The following COX19 variants were observed in gnomAD, a reference collection of about 807,000 sequenced individuals.
COX19 encodes the protein cytochrome c oxidase assembly protein COX19.
Under a neutral mutation model 6.8 loss-of-function variants are expected in COX19, and 8 were observed. The ratio of observed to expected loss-of-function variants is 1.18; its 90% CI spans 0.69 to 2.12. The LOEUF (loss-of-function observed/expected upper bound fraction) is 2.12. COX19 is among the 30% of genes most tolerant of loss of function. The pLI, the probability that COX19 is intolerant of heterozygous loss-of-function variation, is 0.00. For synonymous variants in COX19, 51 were observed against 38.0 expected (o/e 1.34, Z -1.26); for missense variants, 131 against 104.6 (o/e 1.25, Z -1.10).
At chr7:973,110 G>A (rs946443172) in intron 2 of COX19, 71 bp downstream of exon 2, 2 of 993,618 alleles carry the variant, frequency 2.0e-6, no homozygotes, top group African/African-American at 1.7e-5. Flanking sequence ...CACTGTAATG[G>A]CCTTTCAGGA....
intron 2 of COX19, among the ~76,000 whole-genome samples, chr7:971,542 G>T (rs555217346): frequency 1.3e-4 from 20 of 151,518 alleles, no homozygotes; most frequent in African/African-American, 4.6e-4. Flanking sequence ...AGAAAGAGCA[G>T]AATTTTTAAA....
At position 969,307 on chromosome 7, in the gene COX19, C is replaced by T. The variant is rs1257866884; in HGVS notation, c.*71G>A. On this transcript the variant is annotated 3_prime_UTR_variant, in exon 3 of 3. Coordinates refer to ENST00000344111, the MANE Select transcript of COX19 (RefSeq NM_001031617.3). Reference sequence around the variant, plus strand: ...ACACCACACGCAGGCCTCAGCCAACCTAAGAGGCAGGATGATGCCCTCCGT... The same window carrying T: ...ACACCACACGCAGGCCTCAGCCAACTTAAGAGGCAGGATGATGCCCTCCGT... 4 of 990,052 alleles carry T rather than the reference C, an allele frequency of 4.0e-6. No homozygotes were observed. Among genetic ancestry groups the T allele is most frequent in the African/African-American group, 3.2e-5 (2 of 62,194 alleles). The allele number at this position is 990,052 out of a possible 1,614,324, so 61.3% of individuals were successfully genotyped here. A position where few individuals can be genotyped will look rare whatever the true frequency, so the allele number is the denominator to read the frequency against.
intron 1 of COX19, chr7:975,212 G>A: frequency 2.3e-6 from 1 of 433,178 alleles, no homozygotes; most frequent in Admixed American, 4.4e-5. Context: ...CGGTGTCGCT[G>A]CCCTCGTCAC....
Position 966,078 on chromosome 7 carries a change from T to C in COX19, c.*3300A>G, listed in dbSNP as rs1024093364. Reference sequence around the variant, plus strand: ...ACTGACATGTTTACGCAATTACTTATGTTGTATAGACTACTGGATATCAAT... The same window carrying C: ...ACTGACATGTTTACGCAATTACTTACGTTGTATAGACTACTGGATATCAAT... On this transcript the variant is annotated 3_prime_UTR_variant, in exon 3 of 3. Transcript: ENST00000344111. 3.9e-5 allele frequency: 6 copies of C among 152,340 alleles called. No homozygotes were observed. Among genetic ancestry groups the C allele is most frequent in the Admixed American group, 3.9e-4 (6 of 15,308 alleles). 9.4% of individuals were successfully genotyped at this position (152,340 alleles called of 1,614,324 possible). A position where few individuals can be genotyped will look rare whatever the true frequency, so the allele number is the denominator to read the frequency against.
intron 2 of COX19, 80 bp from the exon 3 acceptor site, chr7:969,536 C>A: frequency 2.2e-6 from 2 of 907,260 alleles, no homozygotes; most frequent in South Asian, 2.7e-5. Context: ...GGCTTCCCAG[C>A]GCACACCGGG....
At position 970,812 on chromosome 7, in the gene COX19, A is replaced by C. The variant is rs1847624273; in HGVS notation, c.195-1356T>G. ...AGGCTGGTCTTGAACTCCTGAGCTC[A>C]AGTGATTCTCCTGCTTGGCCTCCCA... On this transcript the variant is annotated intron_variant, in intron 2 of 2. Coordinates refer to ENST00000344111, the MANE Select transcript of COX19 (RefSeq NM_001031617.3). Among the ~76,000 whole-genome samples, 5 of 152,262 alleles carry C rather than the reference A, an allele frequency of 3.3e-5. No individual in the cohort carries two copies. The South Asian group carries it at 1.0e-3, about 32-fold the overall frequency.
chr7:975,320 T>A (rs1001610164), intron 1 of COX19, 108 bp downstream of exon 1: 6 of 859,168 alleles, frequency 7.0e-6, no homozygotes, highest in Non-Finnish European at 1.0e-5. Flanking sequence ...GTGCCTCAGT[T>A]TCCCCGCCTG....
rs1459244776 is a variant in COX19 at position 967,514 on chromosome 7, G to A, written c.*1864C>T. 2 of 152,252 alleles carry A rather than the reference G, an allele frequency of 1.3e-5. No individual in the cohort carries two copies. 9.4% of individuals were successfully genotyped at this position (152,252 alleles called of 1,614,324 possible). On this transcript the variant is annotated 3_prime_UTR_variant, in exon 3 of 3. Coordinates refer to ENST00000344111, the MANE Select transcript of COX19 (RefSeq NM_001031617.3). The stretch of plus-strand genomic sequence containing the variant: ...GACGGTCTTCCCCACACTCCTGATG[G>A]GTCAGAGTGCGGTGCGAGCGGAGAG...
In COX19 at chr7:969,449, T is replaced by A; in HGVS notation, c.202A>T (p.Met68Leu). The A allele has an allele frequency of 6.2e-7, 1 of 1,604,566 alleles. No homozygotes were observed. The highest frequency in any genetic ancestry group is 8.5e-7 in the Non-Finnish European group (1 of 1,171,596). Reference protein sequence around the residue: ...YLECRMERKLMLQEPLEKLGF... With the variant: ...YLECRMERKLLLQEPLEKLGF... ...AGTTTCTCCAATGGTTCTTGTAGCATCAATTTTCTAAAAGAAAAAGAGAAA... is the reference window on the plus strand; with the variant it reads ...AGTTTCTCCAATGGTTCTTGTAGCAACAATTTTCTAAAAGAAAAAGAGAAA... Residue 68 changes from methionine (M) to leucine (L), a missense_variant, in exon 3 of 3, where the codon ATG (methionine) becomes TTG (leucine). Met to Leu is a conservative substitution (Grantham distance 15). Transcript: ENST00000344111.
rs369446565 is a variant in COX19, at chr7:967,567, C to G, written c.*1811G>C. 2 of 152,364 alleles carry G rather than the reference C, an allele frequency of 1.3e-5. No homozygotes were observed. Among genetic ancestry groups the G allele is most frequent in the East Asian group, 3.9e-4 (2 of 5,180 alleles). 9.4% of individuals were successfully genotyped at this position (152,364 alleles called of 1,614,324 possible). Reference sequence around the variant, plus strand: ...AGGCCCGACCCGGGCCTGGGCACTCCCGACGGCGGGTCAGAGTGCGATGGG... The same window carrying G: ...AGGCCCGACCCGGGCCTGGGCACTCGCGACGGCGGGTCAGAGTGCGATGGG... On this transcript the variant is annotated 3_prime_UTR_variant, in exon 3 of 3. Transcript: ENST00000344111.
At chr7:973,422 C>A in intron 1 of COX19, 130 bp from the exon 2 acceptor site, 2 of 1,215,840 alleles carry the variant, frequency 1.6e-6, no homozygotes, top group Non-Finnish European at 2.1e-6. Context: ...TGGTTCACAC[C>A]TGTAATCCCA....
intron 2 of COX19, among the ~76,000 whole-genome samples, chr7:971,329 C>G (rs1178180900): frequency 6.6e-6 from 1 of 152,164 alleles, no homozygotes; most frequent in African/African-American, 2.4e-5. Context: ...CATTGTGGTC[C>G]ATTTTCTAAA....
rs1262712487 is a variant in COX19, at chr7:967,539, G to T, written c.*1839C>A. ...GGTCAGAGTGCGGTGCGAGCGGAGA[G>T]GCAGGCCCGACCCGGGCCTGGGCAC... On this transcript the variant is annotated 3_prime_UTR_variant, in exon 3 of 3. Coordinates refer to ENST00000344111, the MANE Select transcript of COX19 (RefSeq NM_001031617.3). 1 of 152,240 alleles carries T rather than the reference G, an allele frequency of 6.6e-6. No individual in the cohort carries two copies. The highest frequency in any genetic ancestry group is 3.2e-3 in the Middle Eastern group (1 of 316). 9.4% of individuals were successfully genotyped at this position (152,240 alleles called of 1,614,324 possible). A position where few individuals can be genotyped will look rare whatever the true frequency, so the allele number is the denominator to read the frequency against.
chr7:970,701 T>C (rs1296419015), intron 2 of COX19, among the ~76,000 whole-genome samples: 2 of 152,062 alleles, frequency 1.3e-5, no homozygotes, highest in Non-Finnish European at 2.9e-5. Context: ...TCCCAAAGTG[T>C]TGGAATTACG....
At chr7:974,372 G>A (rs1847675348) in intron 1 of COX19, among the ~76,000 whole-genome samples, 1 of 152,122 alleles carries the variant, frequency 6.6e-6, no homozygotes, top group African/African-American at 2.4e-5. Flanking sequence ...CGAGGCTTCA[G>A]TGAGCTATGA....
At position 965,465 on chromosome 7, in the gene COX19, G is replaced by A. The variant is rs1425338601; in HGVS notation, c.*3913C>T. Reference sequence around the variant, plus strand: ...CCAGAGGTGATACCGTGCCCTCAGGGACGCCCCCAGGTCGGTGCGGCCTGT... The same window carrying A: ...CCAGAGGTGATACCGTGCCCTCAGGAACGCCCCCAGGTCGGTGCGGCCTGT... On this transcript the variant is annotated 3_prime_UTR_variant, in exon 3 of 3. Transcript: ENST00000344111. Among the ~76,000 whole-genome samples, 1 of 152,210 alleles carries A rather than the reference G, an allele frequency of 6.6e-6. No individual in the cohort carries two copies. Among genetic ancestry groups the A allele is most frequent in the Admixed American group, 6.5e-5 (1 of 15,280 alleles).
Position 965,611 on chromosome 7 carries a change from C to T in COX19, c.*3767G>A, listed in dbSNP as rs1009273538. Among the ~76,000 whole-genome samples, 4 of 152,304 alleles carry T rather than the reference C, an allele frequency of 2.6e-5. No individual in the cohort carries two copies. Among genetic ancestry groups the T allele is most frequent in the South Asian group, 2.1e-4 (1 of 4,826 alleles). On this transcript the variant is annotated 3_prime_UTR_variant, in exon 3 of 3. Transcript: ENST00000344111. Reference sequence around the variant, plus strand: ...GGGAGGTTTCTCAAGACAGCAGACACCTGCTTCACACCACACGTCACCACT... The same window carrying T: ...GGGAGGTTTCTCAAGACAGCAGACATCTGCTTCACACCACACGTCACCACT...
At chr7:973,957 C>G (rs1331252600) in intron 1 of COX19, among the ~76,000 whole-genome samples, 160 of 140,722 alleles carry the variant, frequency 1.1e-3, no homozygotes, top group Middle Eastern at 4.6e-3. Context: ...CAGAGTGAGA[C>G]TCCATTTCAA....
chr7:973,540 G>A (rs759370675), intron 1 of COX19, among the ~76,000 whole-genome samples: 7 of 152,156 alleles, frequency 4.6e-5, no homozygotes, highest in African/African-American at 7.2e-5. Flanking sequence ...TAGGTGTGGC[G>A]CACGTCTGTG....
Sources: allele counts gnomAD v4.1 joint callset (sites outside exome capture counted in the v4.1 genomes callset), GRCh38; gene constraint gnomAD v4.1.1; transcripts MANE v1.5; gene names NCBI Gene and HGNC (gene_info 2026-07-23, HGNC 2026-07-21).